Variants in TENM2 observed in about 807,000 individuals in gnomAD.
TENM2 encodes the protein teneurin transmembrane protein 2.
TENM2 carries 52 observed loss-of-function variants against 245.2 expected under a neutral mutation model. The observed-to-expected ratio is 0.21, with a 90% confidence interval of 0.17 to 0.27. The LOEUF (loss-of-function observed/expected upper bound fraction) is 0.27. Ranked by LOEUF, TENM2 falls within the 10% of genes least tolerant of loss-of-function variation. The pLI is 1.00. For missense variants in TENM2, 3,046 were observed against 3,666.8 expected, an observed-to-expected ratio of 0.83 and a Z score of 4.37; for synonymous variants, 1,363 against 1,438.9, an observed-to-expected ratio of 0.95 and a Z score of 1.19.
rs540315779 is a variant in TENM2, at chr5:167,595,542, A to G, written c.502+220069A>G. Among the ~76,000 whole-genome samples the G allele has an allele frequency of 2.0e-5, 3 of 152,372 alleles. No homozygotes were observed. In the South Asian group the frequency reaches 6.2e-4, roughly 32 times the overall value. ...TAATTTTCAATCCAATTACTTTCTC[A>G]AAAAATACTAGCCCTCAAGTATTCA... On this transcript the variant is annotated intron_variant, in intron 2 of 28. Coordinates refer to ENST00000518659, the Ensembl canonical transcript of TENM2.
intron 2 of TENM2, among the ~76,000 whole-genome samples, chr5:167,690,024 G>C (rs1561675150): frequency 6.6e-6 from 1 of 151,396 alleles, no homozygotes; most frequent in Non-Finnish European, 1.5e-5. Context: ...TTGGGCCCAT[G>C]ACCCGGGAAC....
At chr5:167,983,402 G>A (rs140788172) in intron 4 of TENM2, among the ~76,000 whole-genome samples, 16 of 152,206 alleles carry the variant, frequency 1.1e-4, no homozygotes, top group Non-Finnish European at 2.1e-4. Context: ...TTTAGAAAAC[G>A]GAAGGCAATA....
intron 2 of TENM2, among the ~76,000 whole-genome samples, chr5:167,606,694 A>T (rs1777080087): frequency 6.6e-6 from 1 of 152,124 alleles, no homozygotes; most frequent in African/African-American, 2.4e-5. Flanking sequence ...CTAGCCCACG[A>T]GATTTGCATT....
chr5:167,308,337 C>T (rs772710094), intron 1 of TENM2, among the ~76,000 whole-genome samples: 3 of 152,128 alleles, frequency 2.0e-5, no homozygotes, highest in Admixed American at 6.5e-5. Context: ...AATTGGTATC[C>T]TAGACAAAGT....
At chr5:168,228,038 C>G (rs1373204821) in exon 25 of TENM2, 2 of 1,613,922 alleles carry the variant, frequency 1.2e-6, no homozygotes, top group African/African-American at 2.7e-5. Flanking sequence ...CAACATCTCC[C>G]TGCCTATGGA....
chr5:167,913,738 A>G (rs527397568), intron 3 of TENM2, among the ~76,000 whole-genome samples: 12 of 152,106 alleles, frequency 7.9e-5, no homozygotes, highest in Non-Finnish European at 1.6e-4. Context: ...CAGGAAGTCT[A>G]TTTACTCCAG....
At chr5:167,493,433 T>A (rs892692633) in intron 2 of TENM2, among the ~76,000 whole-genome samples, 1 of 152,162 alleles carries the variant, frequency 6.6e-6, no homozygotes, top group Admixed American at 6.6e-5. Context: ...TGCAAATGAC[T>A]AAATTTCTCT....
intron 2 of TENM2, among the ~76,000 whole-genome samples, chr5:167,733,047 G>C (rs1760545619): frequency 6.6e-6 from 1 of 150,680 alleles, no homozygotes; most frequent in Non-Finnish European, 1.5e-5. Flanking sequence ...GAGCAGAAAG[G>C]GCAAAATAGT....
At chr5:167,923,592 G>A (rs559339723) in intron 3 of TENM2, among the ~76,000 whole-genome samples, 1 of 152,234 alleles carries the variant, frequency 6.6e-6, no homozygotes, top group East Asian at 1.9e-4. Context: ...CACACTTGAG[G>A]TCCTAGTCAT....
the TENM2 span, among the ~76,000 whole-genome samples, chr5:167,200,932 T>C: frequency 7.9e-5 from 12 of 152,152 alleles, no homozygotes; most frequent in Non-Finnish European, 1.6e-4. Flanking sequence ...CCAAGAACCA[T>C]GAATATTATA....
intron 2 of TENM2, among the ~76,000 whole-genome samples, chr5:167,685,816 G>A (rs1220009431): frequency 6.6e-6 from 1 of 152,116 alleles, no homozygotes; most frequent in Non-Finnish European, 1.5e-5. Flanking sequence ...ATGATTGAAG[G>A]GTATAGAGGG....
At chr5:167,512,899 A>G (rs1770064944) in intron 2 of TENM2, among the ~76,000 whole-genome samples, 1 of 152,192 alleles carries the variant, frequency 6.6e-6, no homozygotes, top group Non-Finnish European at 1.5e-5. Flanking sequence ...CAGGGATGAT[A>G]AGAGCAATCG....
intron 2 of TENM2, among the ~76,000 whole-genome samples, chr5:167,426,091 G>A (rs1415494303): frequency 6.6e-6 from 1 of 152,022 alleles, no homozygotes; most frequent in African/African-American, 2.4e-5. Flanking sequence ...CTAAGAACCC[G>A]GACTCCCTTG....
At chr5:167,453,916 C>T (rs1765754688) in intron 2 of TENM2, among the ~76,000 whole-genome samples, 1 of 152,160 alleles carries the variant, frequency 6.6e-6, no homozygotes, top group South Asian at 2.1e-4. Context: ...GCATTCCTGT[C>T]TATAATGGTT....
the TENM2 span, among the ~76,000 whole-genome samples, chr5:167,190,961 T>C: frequency 2.3e-4 from 35 of 152,264 alleles, no homozygotes; most frequent in African/African-American, 7.9e-4. Flanking sequence ...ACCTTTGTTA[T>C]CTTTCGTTGT....
chr5:167,070,657 G>A, the TENM2 span, among the ~76,000 whole-genome samples: 3 of 151,972 alleles, frequency 2.0e-5, no homozygotes, highest in Non-Finnish European at 4.4e-5. Context: ...TGCCCAGGAG[G>A]AATCCAAGGA....
chr5:167,503,187 A>G (rs1167711142), intron 2 of TENM2, among the ~76,000 whole-genome samples: 2 of 152,214 alleles, frequency 1.3e-5, no homozygotes, highest in Admixed American at 6.6e-5. Flanking sequence ...TTGGAAATAC[A>G]GTAAGCAATT....
chr5:167,918,677 C>T (rs1187959320), intron 3 of TENM2, among the ~76,000 whole-genome samples: 1 of 152,018 alleles, frequency 6.6e-6, no homozygotes, highest in Non-Finnish European at 1.5e-5. Flanking sequence ...TGACCTCACT[C>T]TTAATCTTTC....
chr5:167,514,804 A>G (rs1363284346), intron 2 of TENM2, among the ~76,000 whole-genome samples: 4 of 152,184 alleles, frequency 2.6e-5, no homozygotes, highest in African/African-American at 9.6e-5. Flanking sequence ...TGAGGTCAGG[A>G]GTTCGAGACC....
Sources: gnomAD v4.1 joint callset for allele counts (sites outside exome capture counted in the v4.1 genomes callset) on GRCh38, gnomAD v4.1.1 for gene constraint, MANE v1.5 for transcripts, NCBI Gene and HGNC (gene_info 2026-07-23, HGNC 2026-07-21) for gene names.